Variants in RALGPS2 observed in about 807,000 individuals in gnomAD.
RALGPS2 encodes the protein Ral GEF with PH domain and SH3 binding motif 2, also known as ras-specific guanine nucleotide-releasing factor RalGPS2.
RALGPS2 carries 43 observed loss-of-function variants against 86.8 expected under a neutral mutation model. That is an observed-to-expected ratio of 0.50 (90% CI 0.39 to 0.64). The LOEUF (loss-of-function observed/expected upper bound fraction) is 0.64, where lower values mean the gene tolerates loss of function less well. RALGPS2 is among the 30% of genes least tolerant of loss of function. The pLI is 0.00. For missense variants in RALGPS2, 536 were observed against 694.6 expected (o/e 0.77, Z 2.57); for synonymous variants, 243 against 231.3 (o/e 1.05, Z -0.46).
chr1:178,795,276 T>C (rs116625985), intron 4 of RALGPS2, among the ~76,000 whole-genome samples: 453 of 152,186 alleles, frequency 3.0e-3, no homozygotes, highest in African/African-American at 9.8e-3. Flanking sequence ...CAAACAGATA[T>C]TAAATTCAAA....
At chr1:178,886,227 AAAAAC>A (rs1439963316) in intron 13 of RALGPS2, 107 bp downstream of exon 13, 2 of 1,177,594 alleles carry the variant, frequency 1.7e-6, no homozygotes, top group Admixed American at 5.3e-5. Context: ...ATTTGGTTAA[AAAAAC>A]AAAGTAGCAG....
In RALGPS2 at chr1:178,856,198, GAGAGATATATATATAT is replaced by G. The variant is rs1307354151; in HGVS notation, c.608-21298_608-21283del. 4.9e-4 allele frequency among the ~76,000 whole-genome samples: 23 copies of G among 47,268 alleles called. 1 individual carries two copies. Among genetic ancestry groups the G allele is most frequent in the African/African-American group, 1.3e-3 (21 of 16,096 alleles). The allele number at this position is 47,268 out of a possible 152,430, so 31.0% of individuals were successfully genotyped here. On this transcript the variant is annotated intron_variant, in intron 8 of 19. Transcript: ENST00000367635. ...TGTTACCTGTACTTTTCCAGAGAGAGAGAGATATATATATATATATATATATATATATATATGGTTT... is the reference window on the plus strand; with the variant it reads ...TGTTACCTGTACTTTTCCAGAGAGAGATATATATATATATATATATGGTTT...
At chr1:178,764,717 A>G (rs867332168) in intron 1 of RALGPS2, among the ~76,000 whole-genome samples, 36 of 152,292 alleles carry the variant, frequency 2.4e-4, no homozygotes, top group African/African-American at 7.9e-4. Flanking sequence ...TTCGCTTATG[A>G]AGCTTAGTTT....
At chr1:178,846,468 CT>C (rs745658746) in intron 8 of RALGPS2, among the ~76,000 whole-genome samples, 1 of 152,162 alleles carries the variant, frequency 6.6e-6, no homozygotes, top group Admixed American at 6.6e-5. Context: ...AGCCCCTTTT[CT>C]TTAGCCAGAA....
intron 1 of RALGPS2, among the ~76,000 whole-genome samples, chr1:178,761,841 T>C (rs967657612): frequency 5.9e-5 from 9 of 152,114 alleles, no homozygotes; most frequent in Non-Finnish European, 1.3e-4. Flanking sequence ...TTAAGTTCTT[T>C]AGTTCCAGAA....
rs565304996 is a variant in RALGPS2, at chr1:178,854,736, T to G, written c.607+21186T>G. Among the ~76,000 whole-genome samples the G allele has an allele frequency of 5.3e-5, 8 of 152,294 alleles. No homozygotes were observed. In the South Asian group the frequency reaches 1.7e-3, roughly 32 times the overall value. ...CCTTGTCTAATCCCAGAGTCCCTGC[T>G]CTGAACTGCTGTGTTGCATGCATTT... On this transcript the variant is annotated intron_variant, in intron 8 of 19. Coordinates refer to ENST00000367635, the MANE Select transcript of RALGPS2 (RefSeq NM_152663.5).
chr1:178,742,200 C>A lies in RALGPS2; in HGVS notation c.-84+16781C>A, dbSNP rs138964290. On this transcript the variant is annotated intron_variant, in intron 1 of 19. Coordinates refer to ENST00000367635, the MANE Select transcript of RALGPS2 (RefSeq NM_152663.5). The stretch of plus-strand genomic sequence containing the variant: ...ATTGGATTAAAAAAACAAGAGTTAA[C>A]CATCTCCTGCCTGCAAGAAACCTAC... Among the ~76,000 whole-genome samples, 850 of 148,884 alleles carry A rather than the reference C, an allele frequency of 5.7e-3. 4 individuals carry two copies. The highest frequency in any genetic ancestry group is 8.9e-3 in the Non-Finnish European group (598 of 67,336).
intron 6 of RALGPS2, among the ~76,000 whole-genome samples, chr1:178,820,971 T>C (rs1458102943): frequency 1.3e-5 from 2 of 152,170 alleles, no homozygotes; most frequent in East Asian, 3.8e-4. Context: ...AGGCAGTATT[T>C]AAAAATCTGG....
At position 178,784,426 on chromosome 1, in the gene RALGPS2, C is replaced by G; in HGVS notation, c.66C>G (p.Ser22Arg). The G allele has an allele frequency of 6.3e-7, 1 of 1,595,088 alleles. No individual in the cohort carries two copies. Among genetic ancestry groups the G allele is most frequent in the South Asian group, 1.1e-5 (1 of 87,152 alleles). ...NIAATASEKSSSSESLSDKGS... is the reference protein window; with the variant it reads ...NIAATASEKSRSSESLSDKGS... Reference sequence around the variant, plus strand: ...TTCTTTCACTTTAACAGAAAAGTAGCAGCTCTGAATCCTTAAGTGACAAAG... The same window carrying G: ...TTCTTTCACTTTAACAGAAAAGTAGGAGCTCTGAATCCTTAAGTGACAAAG... Residue 22 changes from serine to arginine, a missense_variant, in exon 3 of 20, where the codon AGC (serine) becomes AGG (arginine). Around this residue, in one of 3 missense-constraint regions of RALGPS2, gnomAD observed 43 missense variants for 34.9 expected, o/e 1.23. Coordinates refer to ENST00000367635, the MANE Select transcript of RALGPS2 (RefSeq NM_152663.5).
chr1:178,747,817 G>T (rs370292879), intron 1 of RALGPS2: 4 of 643,346 alleles, frequency 6.2e-6, no homozygotes, highest in South Asian at 3.6e-5. Flanking sequence ...GGCCCTGCAC[G>T]ATCCGCAGAG....
chr1:178,767,440 C>T (rs1234306012), intron 1 of RALGPS2, among the ~76,000 whole-genome samples: 1 of 137,002 alleles, frequency 7.3e-6, no homozygotes, highest in Non-Finnish European at 1.5e-5. Flanking sequence ...TGGGTTCAGT[C>T]GACTGGCTTT....
intron 6 of RALGPS2, among the ~76,000 whole-genome samples, chr1:178,813,956 A>G (rs906152075): frequency 3.3e-5 from 5 of 152,222 alleles, no homozygotes; most frequent in African/African-American, 9.7e-5. Flanking sequence ...TTACCATCAC[A>G]TAGATACAAA....
intron 1 of RALGPS2, 34 bp downstream of exon 1, chr1:178,725,453 G>C (rs529345062): frequency 6.1e-5 from 9 of 148,184 alleles, no homozygotes; most frequent in African/African-American, 2.2e-4. Flanking sequence ...CGGTGCGGGG[G>C]AGGGAGGGAG....
At chr1:178,746,571 A>C in intron 1 of RALGPS2, 1 of 660,358 alleles carries the variant, frequency 1.5e-6, no homozygotes. Flanking sequence ...ACTGTGAGGC[A>C]ATCTAGAGGG....
intron 1 of RALGPS2, among the ~76,000 whole-genome samples, chr1:178,766,678 T>A (rs1292052668): frequency 1.3e-5 from 2 of 152,182 alleles, no homozygotes; most frequent in African/African-American, 2.4e-5. Flanking sequence ...GCCTTTAACA[T>A]TTTTTCTTTC....
chr1:178,851,499 A>C (rs1422519067), intron 8 of RALGPS2, among the ~76,000 whole-genome samples: 1 of 152,096 alleles, frequency 6.6e-6, no homozygotes, highest in Non-Finnish European at 1.5e-5. Flanking sequence ...TTGAAAAATC[A>C]CTTGAATTGC....
intron 1 of RALGPS2, among the ~76,000 whole-genome samples, chr1:178,759,155 C>G (rs1301831989): frequency 1.3e-5 from 2 of 152,138 alleles, no homozygotes; most frequent in Non-Finnish European, 2.9e-5. Flanking sequence ...CAGACCAATG[C>G]TCTGGAGGGT....
At chr1:178,777,255 A>G (rs1553261997) in intron 2 of RALGPS2, among the ~76,000 whole-genome samples, 5 of 152,006 alleles carry the variant, frequency 3.3e-5, no homozygotes, top group South Asian at 2.1e-4. Context: ...ATAACAGACA[A>G]ACAGACAGCC....
chr1:178,733,696 A>T (rs1328225916), intron 1 of RALGPS2, among the ~76,000 whole-genome samples: 1 of 152,196 alleles, frequency 6.6e-6, no homozygotes, highest in Non-Finnish European at 1.5e-5. Context: ...TCTGTGATCC[A>T]CCAGTTTCAT....
Sources: gnomAD v4.1 joint callset for allele counts (sites outside exome capture counted in the v4.1 genomes callset) on GRCh38, gnomAD v4.1.1 for gene constraint, gnomAD v4.1.1 regional missense constraint, MANE v1.5 for transcripts, NCBI Gene and HGNC (gene_info 2026-07-23, HGNC 2026-07-21) for gene names.